Variants in EXOC3 observed in about 807,000 individuals in gnomAD.
The protein encoded by EXOC3 is exocyst complex component 3, also known as SEC6-like 1.
Under a neutral mutation model 73.7 loss-of-function variants are expected in EXOC3, and 21 were observed. The ratio of observed to expected loss-of-function variants is 0.29; its 90% CI spans 0.20 to 0.41. The LOEUF is 0.41. EXOC3 is among the 10% of genes least tolerant of loss of function. The pLI, the probability that EXOC3 is intolerant of heterozygous loss-of-function variation, is 1.00. For synonymous variants in EXOC3, 410 were observed against 389.1 expected, an observed-to-expected ratio of 1.05 and a Z score of -0.63; for missense variants, 842 against 985.1, an observed-to-expected ratio of 0.85 and a Z score of 1.95.
chr5:464,159 AAGTG>A, intron 9 of EXOC3, 127 bp from the exon 10 acceptor site: 1 of 802,874 alleles, frequency 1.2e-6, no homozygotes, highest in East Asian at 2.9e-5. Context: ...TGAGGTGAGG[AAGTG>A]CCTCCCTCCC....
Position 462,205 on chromosome 5 carries a change from A to T in EXOC3, c.1551A>T (p.Glu517Asp). 6.2e-7 allele frequency: 1 copy of T among 1,613,992 alleles called. No homozygotes were observed. The highest frequency in any genetic ancestry group is 1.1e-5 in the South Asian group (1 of 91,090). Residue 517 changes from glutamate to aspartate, a missense_variant, in exon 9 of 13, where the codon GAA becomes GAT. Transcript: ENST00000512944. ...LKRKYLKNEV[E>D]EGVSPSQPSM... ...GAAAGTATTTAAAGAATGAAGTGGAAGAGGGTGTGTCTCCGAGCCAGCCCA... is the reference window on the plus strand; with the variant it reads ...GAAAGTATTTAAAGAATGAAGTGGATGAGGGTGTGTCTCCGAGCCAGCCCA...
chr5:453,113 G>A (rs767103434), intron 3 of EXOC3, among the ~76,000 whole-genome samples: 2 of 152,226 alleles, frequency 1.3e-5, no homozygotes, highest in Non-Finnish European at 2.9e-5. Context: ...GCTGCCTGCG[G>A]GGTGGGAGGT....
chr5:446,832 G>A (rs1010627002), intron 2 of EXOC3, among the ~76,000 whole-genome samples: 10 of 136,844 alleles, frequency 7.3e-5, no homozygotes, highest in Non-Finnish European at 1.2e-4. Context: ...ATTCCAGCCT[G>A]GGCAACAGAG....
chr5:448,549 T>C (rs527919423), intron 3 of EXOC3, among the ~76,000 whole-genome samples: 49 of 152,342 alleles, frequency 3.2e-4, no homozygotes, highest in Non-Finnish European at 5.7e-4. Flanking sequence ...TTCCTGTTCC[T>C]CTACCAGACG....
intron 7 of EXOC3, among the ~76,000 whole-genome samples, chr5:460,006 C>T (rs1310253726): frequency 3.3e-5 from 5 of 152,248 alleles, no homozygotes. Flanking sequence ...AATCTGTTCT[C>T]CCCTGCCCAT....
intron 3 of EXOC3, among the ~76,000 whole-genome samples, chr5:450,622 GAGAT>G (rs1351262949): frequency 1.3e-5 from 2 of 152,190 alleles, no homozygotes; most frequent in Admixed American, 1.3e-4. Context: ...TATTGAGAGA[GAGAT>G]ATTGAAGCCT....
At chr5:464,524 G>T (rs1738079898) in intron 10 of EXOC3, 112 bp downstream of exon 10, 49 of 1,236,268 alleles carry the variant, frequency 4.0e-5, no homozygotes, top group Non-Finnish European at 5.5e-5. Context: ...TTCACTTGTT[G>T]TCCTATCAGC....
intron 12 of EXOC3, 67 bp downstream of exon 12, chr5:465,912 G>C (rs1738134145): frequency 2.0e-6 from 3 of 1,525,612 alleles, no homozygotes; most frequent in South Asian, 2.4e-5. Context: ...CCCTCCTTCT[G>C]TCTGGGGCGG....
At position 467,025 on chromosome 5, in the gene EXOC3, A is replaced by C. The variant is rs1738172867; in HGVS notation, c.*127A>C. ...GCTGCACGGCCTGTCTTTAGGTGCC[A>C]GTGTGATGCACCGGGTGTGCGTCGA... is the stretch of plus-strand genomic sequence containing the variant. On this transcript the variant is annotated 3_prime_UTR_variant, in exon 13 of 13. Transcript: ENST00000512944. 1.0e-6 allele frequency: 1 copy of C among 983,316 alleles called. No homozygotes were observed. Among genetic ancestry groups the C allele is most frequent in the Admixed American group, 2.6e-5 (1 of 38,834 alleles). 60.9% of individuals were successfully genotyped at this position (983,316 alleles called of 1,614,324 possible).
Position 446,139 on chromosome 5 carries a change from A to T in EXOC3, c.-56-11A>T. 1 of 1,592,866 alleles carries T rather than the reference A, an allele frequency of 6.3e-7. No homozygotes were observed. Among genetic ancestry groups the T allele is most frequent in the Non-Finnish European group, 8.6e-7 (1 of 1,161,320 alleles). On this transcript the variant is annotated splice_polypyrimidine_tract_variant and intron_variant, in intron 1 of 12. Coordinates refer to ENST00000512944, the MANE Select transcript of EXOC3 (RefSeq NM_007277.5). ...TACCTAACATTTCTACCGTCCTAACAACTCCTGCAGTGCACAGAGAACACC... is the reference window on the plus strand; with the variant it reads ...TACCTAACATTTCTACCGTCCTAACTACTCCTGCAGTGCACAGAGAACACC...
chr5:462,176 A>G lies in EXOC3; in HGVS notation c.1522A>G (p.Lys508Glu). ...TTGCAGGGAATCCATAGTCAGTTTAAAAAGAAAGTATTTAAAGAATGAAGT... is the reference window on the plus strand; with the variant it reads ...TTGCAGGGAATCCATAGTCAGTTTAGAAAGAAAGTATTTAAAGAATGAAGT... ...QTFKESIVSL[K>E]RKYLKNEVEE... The change falls in exon 9 of 13, where the codon AAA becomes GAA. Residue 508 changes from lysine (K) to glutamate (E), a missense_variant. Coordinates refer to ENST00000512944, the MANE Select transcript of EXOC3 (RefSeq NM_007277.5). 1 of 1,613,972 alleles carries G rather than the reference A, an allele frequency of 6.2e-7. No homozygotes were observed. The highest frequency in any genetic ancestry group is 8.5e-7 in the Non-Finnish European group (1 of 1,179,882).
At chr5:450,468 C>G (rs1218676481) in intron 3 of EXOC3, among the ~76,000 whole-genome samples, 11 of 152,158 alleles carry the variant, frequency 7.2e-5, no homozygotes, top group Non-Finnish European at 1.6e-4. Context: ...ATGGTCTTTC[C>G]TGAAGACTGT....
chr5:453,914 C>G lies in EXOC3; in HGVS notation c.909C>G (p.Pro303=), dbSNP rs762691957. 6.2e-7 allele frequency: 1 copy of G among 1,614,038 alleles called. No individual in the cohort carries two copies. The highest frequency in any genetic ancestry group is 2.2e-5 in the East Asian group (1 of 44,886). Residue 303 remains proline, a synonymous_variant, in exon 4 of 13, where the codon CCC becomes CCG. Transcript: ENST00000512944. Reference sequence around the variant, plus strand: ...ACCTGATGGTTCAGTGCTTTCCTCCCCACTATGAGATCTTTAAGAACCTCC... The same window carrying G: ...ACCTGATGGTTCAGTGCTTTCCTCCGCACTATGAGATCTTTAAGAACCTCC... The part of the protein sequence containing the change: ...AKNLMVQCFP[P]HYEIFKNLLN...
intron 3 of EXOC3, among the ~76,000 whole-genome samples, chr5:450,258 A>AAAAC (rs1737625602): frequency 6.6e-6 from 1 of 152,220 alleles, no homozygotes; most frequent in Non-Finnish European, 1.5e-5. Flanking sequence ...AAAACAAAAC[A>AAAAC]AAACAAAACA....
intron 4 of EXOC3, among the ~76,000 whole-genome samples, chr5:455,889 C>T (rs1490861342): frequency 1.3e-5 from 2 of 152,248 alleles, no homozygotes; most frequent in Non-Finnish European, 2.9e-5. Context: ...CAGGCGTGAG[C>T]CACCATGCCC....
At chr5:466,517 A>G (rs1456934977) in intron 12 of EXOC3, 2 of 555,996 alleles carry the variant, frequency 3.6e-6, no homozygotes, top group African/African-American at 3.7e-5. Context: ...AGCAGTGTTG[A>G]AAAATCTTTC....
At chr5:461,702 G>C (rs945505547) in intron 7 of EXOC3, 9 of 476,552 alleles carry the variant, frequency 1.9e-5, no homozygotes, top group Non-Finnish European at 3.0e-5. Context: ...CCTGGGCTCA[G>C]GTGGTCTCCC....
intron 1 of EXOC3, among the ~76,000 whole-genome samples, 151 bp downstream of exon 1, chr5:443,441 G>A (rs1737400788): frequency 6.6e-6 from 1 of 152,242 alleles, no homozygotes; most frequent in Admixed American, 6.5e-5. Context: ...TCCGGACCCC[G>A]TGGAGTATCC....
intron 5 of EXOC3, chr5:457,218 G>C: frequency 1.8e-6 from 1 of 569,586 alleles, no homozygotes; most frequent in Non-Finnish European, 3.2e-6. Context: ...TCTGAAGCTT[G>C]TCCTCTGCTG....
Sources: allele counts gnomAD v4.1 joint callset (sites outside exome capture counted in the v4.1 genomes callset), GRCh38; gene constraint gnomAD v4.1.1; transcripts MANE v1.5; gene names NCBI Gene and HGNC (gene_info 2026-07-23, HGNC 2026-07-21).